The following SLC2A14 variants were observed in gnomAD, a reference collection of about 807,000 sequenced individuals.
SLC2A14 encodes the protein solute carrier family 2 member 14.
A neutral mutation model predicts 43.0 loss-of-function variants in SLC2A14; 13 were observed. The observed-to-expected ratio is 0.30, with a 90% confidence interval of 0.20 to 0.48. The LOEUF (loss-of-function observed/expected upper bound fraction) is 0.48, where lower values mean the gene tolerates loss of function less well. Ranked by LOEUF, SLC2A14 falls within the 20% of genes least tolerant of loss-of-function variation. The pLI, the probability that SLC2A14 is intolerant of heterozygous loss-of-function variation, is 0.99. For missense variants in SLC2A14, 428 were observed against 620.4 expected, an observed-to-expected ratio of 0.69 and a Z score of 3.29; for synonymous variants, 190 against 233.8, an observed-to-expected ratio of 0.81 and a Z score of 1.71.
intron 2 of SLC2A14, among the ~76,000 whole-genome samples, chr12:7,861,913 G>A (rs973190278): frequency 1.3e-5 from 2 of 149,302 alleles, no homozygotes; most frequent in Non-Finnish European, 3.0e-5. Context: ...AATGAGCTGA[G>A]ATTACGCCAC....
intron 2 of SLC2A14, among the ~76,000 whole-genome samples, chr12:7,869,010 G>C (rs1457180423): frequency 1.3e-5 from 2 of 151,992 alleles, no homozygotes; most frequent in Non-Finnish European, 2.9e-5. Flanking sequence ...CGGGCATGGT[G>C]GCTCATGCCT....
chr12:7,845,849 T>C (rs1413219841), intron 2 of SLC2A14, among the ~76,000 whole-genome samples: 2 of 150,728 alleles, frequency 1.3e-5, no homozygotes, highest in Non-Finnish European at 2.9e-5. Flanking sequence ...CGCAGCACTT[T>C]GGGATGCCAA....
intron 10 of SLC2A14, among the ~76,000 whole-genome samples, chr12:7,815,822 C>T (rs150973632): frequency 0.021 from 3,148 of 152,174 alleles, 89 homozygotes; most frequent in African/African-American, 0.07. Context: ...GTGATCCTCT[C>T]GCCTTGGTCT....
intron 2 of SLC2A14, among the ~76,000 whole-genome samples, chr12:7,840,438 G>GGCGT (rs1329743282): frequency 1.3e-5 from 2 of 152,046 alleles, no homozygotes; most frequent in Non-Finnish European, 2.9e-5. Flanking sequence ...GGAGTGCAAT[G>GGCGT]GCGTGATTTC....
intron 2 of SLC2A14, among the ~76,000 whole-genome samples, chr12:7,835,893 T>C (rs767597311): frequency 1.3e-5 from 2 of 152,296 alleles, no homozygotes; most frequent in East Asian, 3.9e-4. Context: ...GATAACACTG[T>C]AGAAAATAAG....
In SLC2A14 at chr12:7,829,839, G is replaced by A. The variant is rs765545777; in HGVS notation, c.440C>T (p.Ser147Leu). Reference protein sequence around the residue: ...GFVPMYIGEISPTALRGAFGT... With the variant: ...GFVPMYIGEILPTALRGAFGT... Reference sequence around the variant, plus strand: ...AAAGGCACCCCTCAGGGCAGTAGGCGAGATCTCTCCAATGTACATGGGCAC... The same window carrying A: ...AAAGGCACCCCTCAGGGCAGTAGGCAAGATCTCTCCAATGTACATGGGCAC... The change falls in exon 5 of 11, where the codon TCG becomes TTG. Residue 147 changes from serine to leucine, a missense_variant. Around this residue, in one of 4 missense-constraint regions of SLC2A14, gnomAD observed 185 missense variants for 275.4 expected, o/e 0.67. Transcript: ENST00000431042. The A allele has an allele frequency of 1.4e-5, 22 of 1,614,070 alleles. No homozygotes were observed. Among genetic ancestry groups the A allele is most frequent in the East Asian group, 8.9e-5 (4 of 44,876 alleles).
chr12:7,882,975 C>G (rs1309714242), intron 1 of SLC2A14, among the ~76,000 whole-genome samples: 1 of 151,856 alleles, frequency 6.6e-6, no homozygotes, highest in East Asian at 1.9e-4. Flanking sequence ...CTTCGGGAGG[C>G]CAAGGTGGGC....
intron 1 of SLC2A14, among the ~76,000 whole-genome samples, chr12:7,888,245 C>A (rs748609266): frequency 1.9e-4 from 29 of 151,990 alleles, no homozygotes; most frequent in Non-Finnish European, 3.8e-4. Flanking sequence ...TGAACCTACC[C>A]TTTTGGCAAG....
In SLC2A14 at chr12:7,868,111, T is replaced by G. The variant is rs867336701; in HGVS notation, c.18+1752A>C. Among the ~76,000 whole-genome samples the G allele has an allele frequency of 3.9e-5, 6 of 152,172 alleles. No homozygotes were observed. In the South Asian group the frequency reaches 1.2e-3, roughly 31 times the overall value. On this transcript the variant is annotated intron_variant, in intron 2 of 10. Coordinates refer to ENST00000431042, the MANE Select transcript of SLC2A14 (RefSeq NM_001286234.2). ...GATGCAGCAAACTTCATTGTTGTCTTACTTAAATAAATTGCTACAGCCAAC... is the reference window on the plus strand; with the variant it reads ...GATGCAGCAAACTTCATTGTTGTCTGACTTAAATAAATTGCTACAGCCAAC...
intron 1 of SLC2A14, chr12:7,890,949 G>A: frequency 3.3e-6 from 5 of 1,504,212 alleles, no homozygotes; most frequent in Middle Eastern, 1.7e-4. Context: ...AATCATCCTC[G>A]ACATGGACTA....
At chr12:7,858,678 T>C (rs982887470) in intron 2 of SLC2A14, among the ~76,000 whole-genome samples, 3 of 152,018 alleles carry the variant, frequency 2.0e-5, no homozygotes, top group Non-Finnish European at 4.4e-5. Flanking sequence ...TTTGTATTTT[T>C]AGTAGAGATG....
chr12:7,851,729 GA>G (rs1866954530), intron 2 of SLC2A14, among the ~76,000 whole-genome samples: 2 of 152,256 alleles, frequency 1.3e-5, no homozygotes, highest in Non-Finnish European at 2.9e-5. Flanking sequence ...GGCTGAGAAA[GA>G]ATTTTTCTCC....
intron 1 of SLC2A14, among the ~76,000 whole-genome samples, chr12:7,887,291 G>A (rs1945703217): frequency 1.3e-5 from 2 of 151,400 alleles, no homozygotes; most frequent in South Asian, 2.1e-4. Flanking sequence ...AAATCACCTG[G>A]TTTCAATGGT....
intron 3 of SLC2A14, 61 bp downstream of exon 3, chr12:7,832,661 A>T: frequency 6.3e-7 from 1 of 1,580,628 alleles, no homozygotes. Flanking sequence ...AATTCTTGAA[A>T]CCCTACTTAA....
chr12:7,857,294 T>C (rs1045191501), intron 2 of SLC2A14, among the ~76,000 whole-genome samples: 1 of 134,870 alleles, frequency 7.4e-6, no homozygotes, highest in African/African-American at 2.8e-5. Context: ...AAACCATTCA[T>C]AAAACACATA....
At chr12:7,847,853 G>A (rs1592240352) in intron 2 of SLC2A14, among the ~76,000 whole-genome samples, 2 of 152,222 alleles carry the variant, frequency 1.3e-5, no homozygotes, top group South Asian at 4.1e-4. Context: ...AGACATAGGT[G>A]AGAATTGAGA....
intron 1 of SLC2A14, among the ~76,000 whole-genome samples, chr12:7,885,452 C>T (rs1170154429): frequency 6.6e-6 from 1 of 151,512 alleles, no homozygotes; most frequent in Non-Finnish European, 1.5e-5. Context: ...GCAACAAGAG[C>T]GAAACTTCGT....
At chr12:7,880,596 A>G (rs1258379543) in intron 1 of SLC2A14, among the ~76,000 whole-genome samples, 1 of 149,988 alleles carries the variant, frequency 6.7e-6, no homozygotes, top group African/African-American at 2.4e-5. Context: ...TAGGAGACTG[A>G]GGCGGATGGA....
intron 1 of SLC2A14, among the ~76,000 whole-genome samples, chr12:7,890,084 T>G (rs1945750163): frequency 6.6e-6 from 1 of 152,100 alleles, no homozygotes; most frequent in Non-Finnish European, 1.5e-5. Flanking sequence ...TGACCTGTAT[T>G]TTGTGCTGAC....
Sources: gnomAD v4.1 joint callset for allele counts (sites outside exome capture counted in the v4.1 genomes callset) on GRCh38, gnomAD v4.1.1 for gene constraint, gnomAD v4.1.1 regional missense constraint, MANE v1.5 for transcripts, NCBI Gene and HGNC (gene_info 2026-07-23, HGNC 2026-07-21) for gene names.